POU2F1: variants seen among roughly 807,000 people sequenced by gnomAD.
POU2F1 encodes POU domain, class 2, transcription factor 1.
A neutral mutation model predicts 84.9 loss-of-function variants in POU2F1; 16 were observed. The ratio of observed to expected loss-of-function variants is 0.19; its 90% CI spans 0.13 to 0.29. The LOEUF (loss-of-function observed/expected upper bound fraction) is 0.29, where lower values mean the gene tolerates loss of function less well. Ranked by LOEUF, POU2F1 falls within the 10% of genes least tolerant of loss-of-function variation. The pLI, the probability that POU2F1 is intolerant of heterozygous loss-of-function variation, is 1.00. For missense variants in POU2F1, 738 were observed against 942.6 expected, an observed-to-expected ratio of 0.78 and a Z score of 2.84; for synonymous variants, 368 against 368.3, an observed-to-expected ratio of 1.00 and a Z score of 0.01.
intron 1 of POU2F1, among the ~76,000 whole-genome samples, chr1:167,315,222 C>T (rs1476782469): frequency 6.6e-6 from 1 of 152,098 alleles, no homozygotes; most frequent in Non-Finnish European, 1.5e-5. Context: ...ATACATATGC[C>T]CTATGAGCTG....
intron 13 of POU2F1, among the ~76,000 whole-genome samples, chr1:167,410,453 G>A (rs1649874296): frequency 6.6e-6 from 1 of 152,086 alleles, no homozygotes; most frequent in South Asian, 2.1e-4. Flanking sequence ...TAACAAGATT[G>A]TTATGAAAGA....
intron 1 of POU2F1, among the ~76,000 whole-genome samples, chr1:167,240,432 G>GTTT (rs1221430320): frequency 2.6e-5 from 4 of 152,166 alleles, no homozygotes; most frequent in Admixed American, 6.5e-5. Context: ...AGAGGTAATT[G>GTTT]AGGAAGCGTA....
intron 1 of POU2F1, among the ~76,000 whole-genome samples, chr1:167,275,773 A>G (rs1056830613): frequency 2.5e-4 from 38 of 152,322 alleles, no homozygotes; most frequent in African/African-American, 9.1e-4. Context: ...TAAGTGATAC[A>G]TGGAAGACTG....
At chr1:167,364,297 G>A (rs897111558) in intron 2 of POU2F1, among the ~76,000 whole-genome samples, 3 of 151,814 alleles carry the variant, frequency 2.0e-5, no homozygotes, top group African/African-American at 7.3e-5. Context: ...TTGGGAGGCC[G>A]AGGCGGGCGG....
intron 1 of POU2F1, among the ~76,000 whole-genome samples, chr1:167,290,779 A>C (rs913914882): frequency 6.6e-6 from 1 of 152,248 alleles, no homozygotes; most frequent in Non-Finnish European, 1.5e-5. Context: ...GCAGGGGCTC[A>C]TGCCTGTAAT....
At chr1:167,309,704 G>A (rs1183952111) in intron 1 of POU2F1, among the ~76,000 whole-genome samples, 2 of 151,946 alleles carry the variant, frequency 1.3e-5, no homozygotes, top group Admixed American at 1.3e-4. Context: ...CCATGTTGAT[G>A]GAAATTCTTT....
intron 1 of POU2F1, among the ~76,000 whole-genome samples, chr1:167,273,300 T>G (rs754701914): frequency 1.3e-5 from 2 of 152,168 alleles, no homozygotes; most frequent in Non-Finnish European, 2.9e-5. Flanking sequence ...CGTCAGTAGA[T>G]CTACCATTCT....
intron 14 of POU2F1, 78 bp from the exon 15 acceptor site, chr1:167,412,948 T>C (rs766379383): frequency 9.0e-6 from 11 of 1,223,350 alleles, no homozygotes; most frequent in Non-Finnish European, 1.3e-5. Flanking sequence ...TTTCGTTTTG[T>C]AAGTTCCTTT....
intron 2 of POU2F1, among the ~76,000 whole-genome samples, chr1:167,353,206 C>T (rs761732197): frequency 2.0e-5 from 3 of 152,146 alleles, no homozygotes; most frequent in Non-Finnish European, 2.9e-5. Flanking sequence ...TGCATATTTC[C>T]AGTCTTCTCT....
chr1:167,289,077 A>T (rs979205235), intron 1 of POU2F1, among the ~76,000 whole-genome samples: 13 of 152,210 alleles, frequency 8.5e-5, no homozygotes, highest in Non-Finnish European at 1.6e-4. Context: ...AATTTCAGGT[A>T]GTCTATGAGG....
At chr1:167,370,042 A>G (rs1659910693) in intron 3 of POU2F1, 119 bp from the exon 4 acceptor site, 1 of 831,706 alleles carries the variant, frequency 1.2e-6, no homozygotes, top group Non-Finnish European at 1.8e-6. Context: ...CCGTAAGACA[A>G]ACTTCTTTGT....
rs1650749676 is a variant in POU2F1, at chr1:167,423,239, G to A, written c.*7429G>A. The A allele has an allele frequency of 6.6e-6, 1 of 152,140 alleles. No individual in the cohort carries two copies. The highest frequency in any genetic ancestry group is 2.1e-4 in the South Asian group (1 of 4,814). The allele number at this position is 152,140 out of a possible 1,614,324, so 9.4% of individuals were successfully genotyped here. ...TTTGTTCCAAATGTTTTTATATATG[G>A]GCTCTAGGGAGTCAGGTAGTTCATT... On this transcript the variant is annotated 3_prime_UTR_variant, in exon 16 of 16. Coordinates refer to ENST00000367866, the MANE Select transcript of POU2F1 (RefSeq NM_002697.4).
chr1:167,392,223 C>T (rs898310685), intron 9 of POU2F1, among the ~76,000 whole-genome samples: 25 of 151,972 alleles, frequency 1.6e-4, no homozygotes, highest in Admixed American at 1.6e-3. Context: ...TGCTGGCGGG[C>T]GCCTGTAATC....
chr1:167,352,515 G>A (rs1289195739), intron 2 of POU2F1, among the ~76,000 whole-genome samples: 1 of 152,194 alleles, frequency 6.6e-6, no homozygotes, highest in Non-Finnish European at 1.5e-5. Context: ...AGGGCAATTG[G>A]GAGAGAGTTG....
rs1439012437 is a variant in POU2F1, at chr1:167,425,332, G to A, written c.*9522G>A. The A allele has an allele frequency of 6.6e-6, 1 of 152,208 alleles. No individual in the cohort carries two copies. The highest frequency in any genetic ancestry group is 1.5e-5 in the Non-Finnish European group (1 of 68,048). The allele number at this position is 152,208 out of a possible 1,614,324, so 9.4% of individuals were successfully genotyped here. ...AACAAAAGAACCAAAGAAAAGGGAAGTCTTCAGCATCAGTCCAGTCTGTGG... is the reference window on the plus strand; with the variant it reads ...AACAAAAGAACCAAAGAAAAGGGAAATCTTCAGCATCAGTCCAGTCTGTGG... On this transcript the variant is annotated 3_prime_UTR_variant, in exon 16 of 16. Transcript: ENST00000367866.
intron 9 of POU2F1, among the ~76,000 whole-genome samples, chr1:167,390,143 A>G (rs192178879): frequency 4.9e-4 from 74 of 152,354 alleles, no homozygotes; most frequent in Non-Finnish European, 8.4e-4. Context: ...CTGAGGGACA[A>G]CTGTATTTGC....
intron 1 of POU2F1, among the ~76,000 whole-genome samples, chr1:167,320,984 G>A (rs1656272880): frequency 6.6e-6 from 1 of 152,210 alleles, no homozygotes; most frequent in African/African-American, 2.4e-5. Context: ...TGATCGCTAT[G>A]TATGGTTACT....
intron 3 of POU2F1, among the ~76,000 whole-genome samples, chr1:167,367,075 A>G (rs1370950572): frequency 1.3e-5 from 2 of 152,144 alleles, no homozygotes; most frequent in Non-Finnish European, 2.9e-5. Context: ...CAGACCCTTC[A>G]ATACCACCCA....
chr1:167,250,771 A>G (rs1316386592), intron 1 of POU2F1, among the ~76,000 whole-genome samples: 1 of 152,186 alleles, frequency 6.6e-6, no homozygotes, highest in Non-Finnish European at 1.5e-5. Flanking sequence ...TAAACATTTC[A>G]ATTTTCTGAT....
Sources: allele counts gnomAD v4.1 joint callset (sites outside exome capture counted in the v4.1 genomes callset), GRCh38; gene constraint gnomAD v4.1.1; transcripts MANE v1.5; gene names NCBI Gene and HGNC (gene_info 2026-07-23, HGNC 2026-07-21).